The following CDH2 variants were observed in gnomAD, a reference collection of about 807,000 sequenced individuals.
CDH2 encodes the protein cadherin-2.
Under a neutral mutation model 92.0 loss-of-function variants are expected in CDH2, and 17 were observed. The observed-to-expected ratio is 0.18, with a 90% CI of 0.13 to 0.28. The LOEUF is 0.28. CDH2 is among the 10% of genes least tolerant of loss of function. CDH2 has a pLI of 1.00. For synonymous variants in CDH2, 419 were observed against 415.9 expected (o/e 1.01, Z -0.09); for missense variants, 862 against 1,133.1 (o/e 0.76, Z 3.44).
At chr18:28,101,302 T>C (rs1232856871) in intron 2 of CDH2, among the ~76,000 whole-genome samples, 1 of 152,090 alleles carries the variant, frequency 6.6e-6, no homozygotes. Flanking sequence ...CCTCAAATGT[T>C]AAAGTATACA....
Position 28,078,891 on chromosome 18 carries a change from TAGAA to T in CDH2, c.173-64986_173-64983del, listed in dbSNP as rs202077790. Among the ~76,000 whole-genome samples, 1,464 of 152,266 alleles carry T rather than the reference TAGAA, an allele frequency of 9.6e-3. 32 individuals are homozygous for T. The highest frequency in any genetic ancestry group is 0.034 in the African/African-American group (1,401 of 41,548). Reference sequence around the variant, plus strand: ...TTGAACAATCAAATTCGTGCTAACTTAGAAAGGGATTTTTCCTCTGGACATTAAT... The same window carrying T: ...TTGAACAATCAAATTCGTGCTAACTTAGGGATTTTTCCTCTGGACATTAAT... On this transcript the variant is annotated intron_variant, in intron 2 of 15. Transcript: ENST00000269141.
chr18:28,072,067 A>C (rs568181456), intron 2 of CDH2, among the ~76,000 whole-genome samples: 1 of 152,190 alleles, frequency 6.6e-6, no homozygotes, highest in Admixed American at 6.6e-5. Context: ...TGTTTGACAG[A>C]GAATCACTTA....
At chr18:28,139,976 C>T (rs573942419) in intron 2 of CDH2, among the ~76,000 whole-genome samples, 1 of 152,058 alleles carries the variant, frequency 6.6e-6, no homozygotes, top group Non-Finnish European at 1.5e-5. Context: ...ACCAAGCTCC[C>T]GATCTTCTCT....
At chr18:28,027,865 T>G (rs1282953358) in intron 2 of CDH2, among the ~76,000 whole-genome samples, 2 of 151,134 alleles carry the variant, frequency 1.3e-5, no homozygotes, top group East Asian at 2.0e-4. Flanking sequence ...TTTTGCAGAA[T>G]GTACCCATTA....
intron 2 of CDH2, among the ~76,000 whole-genome samples, chr18:28,073,251 A>G (rs1475214334): frequency 6.6e-6 from 1 of 152,132 alleles, no homozygotes; most frequent in East Asian, 1.9e-4. Flanking sequence ...CTGGCCCAAC[A>G]TGTTTTCAAT....
chr18:28,119,404 C>A (rs1267071154), intron 2 of CDH2, among the ~76,000 whole-genome samples: 3 of 152,038 alleles, frequency 2.0e-5, no homozygotes, highest in African/African-American at 7.2e-5. Context: ...ACCACCACAA[C>A]CTGCTAGAAA....
chr18:27,996,760 A>G (rs886960579), intron 7 of CDH2, among the ~76,000 whole-genome samples: 20 of 152,116 alleles, frequency 1.3e-4, no homozygotes, highest in African/African-American at 3.9e-4. Flanking sequence ...GAATTCCACA[A>G]ATGCTTCTGA....
chr18:28,011,535 T>G (rs2013099095), intron 4 of CDH2, among the ~76,000 whole-genome samples: 1 of 152,090 alleles, frequency 6.6e-6, no homozygotes, highest in African/African-American at 2.4e-5. Context: ...GGGGTGTGTG[T>G]GTTATGAGAG....
At chr18:28,100,897 T>C (rs17494628) in intron 2 of CDH2, among the ~76,000 whole-genome samples, 1 of 152,172 alleles carries the variant, frequency 6.6e-6, no homozygotes, top group Non-Finnish European at 1.5e-5. Flanking sequence ...AGCTGAAACA[T>C]TACATCTTCC....
intron 2 of CDH2, among the ~76,000 whole-genome samples, chr18:28,107,156 T>C (rs945557750): frequency 4.6e-5 from 7 of 151,986 alleles, no homozygotes; most frequent in South Asian, 2.1e-4. Context: ...AAATCAACGT[T>C]AATCATTTCA....
rs920927581 is a variant in CDH2, at chr18:28,177,055, G to A, written c.-33C>T. On this transcript the variant is annotated 5_prime_UTR_variant, in exon 1 of 16. Transcript: ENST00000269141. ...GAGAGGGGCCGAGCGAAGAGCCGGA[G>A]GAGGCGGCGGCGGCGGCGGCGGCGG... The A allele has an allele frequency of 2.3e-5, 34 of 1,463,968 alleles. No homozygotes were observed. Among genetic ancestry groups the A allele is most frequent in the Non-Finnish European group, 2.9e-5 (32 of 1,107,174 alleles). 90.7% of individuals were successfully genotyped at this position (1,463,968 alleles called of 1,614,324 possible). A position where few individuals can be genotyped will look rare whatever the true frequency, so the allele number is the denominator to read the frequency against.
chr18:27,953,836 A>ACATTGAGC (rs1909581984), intron 15 of CDH2, among the ~76,000 whole-genome samples: 1 of 152,218 alleles, frequency 6.6e-6, no homozygotes, highest in African/African-American at 2.4e-5. Context: ...AGTGACTGGC[A>ACATTGAGC]CATGTAGAGC....
chr18:28,085,981 T>A, intron 2 of CDH2, among the ~76,000 whole-genome samples: 1 of 152,138 alleles, frequency 6.6e-6, no homozygotes, highest in East Asian at 1.9e-4. Flanking sequence ...ATATTATCCA[T>A]CTGGAATCAT....
intron 5 of CDH2, 71 bp downstream of exon 5, chr18:28,009,646 G>T: frequency 7.3e-7 from 1 of 1,375,848 alleles, no homozygotes; most frequent in Non-Finnish European, 1.0e-6. Context: ...ACTGATATAA[G>T]AGGCAATGGT....
At chr18:28,126,893 G>A (rs552586940) in intron 2 of CDH2, among the ~76,000 whole-genome samples, 1 of 152,254 alleles carries the variant, frequency 6.6e-6, no homozygotes, top group South Asian at 2.1e-4. Flanking sequence ...ATATGACAAT[G>A]TGATCACATG....
chr18:28,083,976 A>C (rs1333689850), intron 2 of CDH2, among the ~76,000 whole-genome samples: 1 of 152,140 alleles, frequency 6.6e-6, no homozygotes, highest in Non-Finnish European at 1.5e-5. Flanking sequence ...ATTTTGCCGC[A>C]TTTAGAGAGC....
chr18:28,149,678 T>A lies in CDH2; in HGVS notation c.61-1894A>T, dbSNP rs765011528. Among the ~76,000 whole-genome samples, 6 of 152,230 alleles carry A rather than the reference T, an allele frequency of 3.9e-5. No homozygotes were observed. In the East Asian group the frequency reaches 9.6e-4, roughly 24 times the overall value. On this transcript the variant is annotated intron_variant, in intron 1 of 15. Coordinates refer to ENST00000269141, the MANE Select transcript of CDH2 (RefSeq NM_001792.5). ...AAGGAAAACAGCATAGTGATAAACA[T>A]GAAATTTAGGATAGTGGTTACCCCA...
intron 2 of CDH2, among the ~76,000 whole-genome samples, chr18:28,074,363 A>G (rs1012954891): frequency 2.0e-5 from 3 of 152,148 alleles, no homozygotes; most frequent in Non-Finnish European, 4.4e-5. Flanking sequence ...ATTACTATCC[A>G]CGACATTAAA....
intron 2 of CDH2, among the ~76,000 whole-genome samples, chr18:28,084,796 C>T (rs1264118718): frequency 6.6e-6 from 1 of 152,126 alleles, no homozygotes; most frequent in African/African-American, 2.4e-5. Context: ...GAAAATTGTG[C>T]TGTGCTTCTC....
Sources: allele counts gnomAD v4.1 joint callset (sites outside exome capture counted in the v4.1 genomes callset), GRCh38; gene constraint gnomAD v4.1.1; transcripts MANE v1.5; gene names NCBI Gene and HGNC (gene_info 2026-07-23, HGNC 2026-07-21).